The following ITPKC variants were observed in gnomAD, a reference collection of about 807,000 sequenced individuals.
The protein encoded by ITPKC is IP3 3-kinase C.
Under a neutral mutation model 67.1 loss-of-function variants are expected in ITPKC, and 33 were observed. The ratio of observed to expected loss-of-function variants is 0.49; its 90% CI spans 0.37 to 0.66. The LOEUF is 0.66. Among genes scored for constraint, ITPKC ranks in the 30% least tolerant of loss-of-function variants. ITPKC has a pLI of 0.00. For synonymous variants in ITPKC, 341 were observed against 359.8 expected, an observed-to-expected ratio of 0.95 and a Z score of 0.59; for missense variants, 820 against 892.1, an observed-to-expected ratio of 0.92 and a Z score of 1.03.
At chr19:40,735,028 C>A (rs2082288719) in intron 4 of ITPKC, among the ~76,000 whole-genome samples, 1 of 152,180 alleles carries the variant, frequency 6.6e-6, no homozygotes, top group African/African-American at 2.4e-5. Context: ...GATCCACCCG[C>A]CTTGGCCTCA....
At chr19:40,727,344 AAAT>A (rs1343119553) in intron 2 of ITPKC, among the ~76,000 whole-genome samples, 1 of 115,342 alleles carries the variant, frequency 8.7e-6, no homozygotes, top group Non-Finnish European at 2.0e-5. Flanking sequence ...AAAAATAAAT[AAAT>A]AAATAAAATA....
At position 40,739,509 on chromosome 19, in the gene ITPKC, CTG is replaced by C; in HGVS notation, c.2002_2003del (p.Trp668GlyfsTer42). 6 of 1,613,744 alleles carry C rather than the reference CTG, an allele frequency of 3.7e-6. No individual in the cohort carries two copies. The highest frequency in any genetic ancestry group is 5.1e-6 in the Non-Finnish European group (6 of 1,180,020). On this transcript the variant is annotated frameshift_variant, in exon 7 of 7. Transcript: ENST00000263370. LOFTEE classifies it high-confidence loss of function. ...AEGNREDGYL[W>X]GLDNMICLLQ... ...AGGGCAACCGTGAGGACGGCTACCT[CTG>C]GGGCCTGGACAACATGATCTGCCTC... is the stretch of plus-strand genomic sequence containing the variant.
chr19:40,738,589 G>A (rs548490933), intron 6 of ITPKC, among the ~76,000 whole-genome samples: 2 of 152,306 alleles, frequency 1.3e-5, no homozygotes, highest in East Asian at 3.9e-4. Flanking sequence ...GTGCACACCT[G>A]TAGTCTCAGC....
chr19:40,737,804 G>C (rs1028267170), intron 6 of ITPKC, 35 bp downstream of exon 6: 8 of 1,555,592 alleles, frequency 5.1e-6, no homozygotes, highest in Non-Finnish European at 6.2e-6. Flanking sequence ...GGATGTATGG[G>C]TGTCGGGGTC....
chr19:40,737,405 A>G (rs2082299630), intron 5 of ITPKC, among the ~76,000 whole-genome samples: 1 of 152,250 alleles, frequency 6.6e-6, no homozygotes, highest in Non-Finnish European at 1.5e-5. Context: ...CAGAATGGCC[A>G]CCATCATTTC....
chr19:40,719,936 T>C (rs990875317), intron 1 of ITPKC, among the ~76,000 whole-genome samples: 2 of 152,178 alleles, frequency 1.3e-5, no homozygotes, highest in Non-Finnish European at 2.9e-5. Flanking sequence ...TTTTAAGTTT[T>C]TTCTTCTTTT....
Position 40,737,162 on chromosome 19 carries a change from GTCT to G in ITPKC, c.1776+79_1776+81del, listed in dbSNP as rs1420104502. 1.1e-5 allele frequency: 11 copies of G among 1,027,200 alleles called. No homozygotes were observed. In the Admixed American group the frequency reaches 2.2e-4, roughly 21 times the overall value. 63.6% of individuals were successfully genotyped at this position (1,027,200 alleles called of 1,614,324 possible). A position where few individuals can be genotyped will look rare whatever the true frequency, so the allele number is the denominator to read the frequency against. The stretch of plus-strand genomic sequence containing the variant: ...ATTTATTCTTGCTCCAGAGTCAGTG[GTCT>G]TCTGCTTTGGGTGGGGCTGGACTGA... On this transcript the variant is annotated intron_variant, in intron 5 of 6. Coordinates refer to ENST00000263370, the MANE Select transcript of ITPKC (RefSeq NM_025194.3).
At chr19:40,719,583 G>A (rs2082211844) in intron 1 of ITPKC, among the ~76,000 whole-genome samples, 2 of 151,620 alleles carry the variant, frequency 1.3e-5, no homozygotes, top group South Asian at 4.2e-4. Context: ...TTCACTTCCT[G>A]GGTTCAAGTG....
intron 1 of ITPKC, among the ~76,000 whole-genome samples, chr19:40,719,703 T>C (rs2082212282): frequency 6.6e-6 from 1 of 151,962 alleles, no homozygotes. Flanking sequence ...TTGGCCAGGC[T>C]GACCTCAAGA....
intron 3 of ITPKC, among the ~76,000 whole-genome samples, chr19:40,731,768 TC>T (rs1300063468): frequency 6.6e-6 from 1 of 151,848 alleles, no homozygotes; most frequent in Non-Finnish European, 1.5e-5. Flanking sequence ...ACACCAGCAT[TC>T]CTTCCCCCAG....
chr19:40,736,607 G>A (rs1041452460), intron 4 of ITPKC, among the ~76,000 whole-genome samples: 4 of 151,974 alleles, frequency 2.6e-5, no homozygotes, highest in African/African-American at 7.2e-5. Flanking sequence ...GGGTTTAAGC[G>A]ATTTTCCTGC....
chr19:40,738,880 T>C (rs755484593), intron 6 of ITPKC, among the ~76,000 whole-genome samples: 13 of 152,130 alleles, frequency 8.5e-5, no homozygotes, highest in Non-Finnish European at 1.9e-4. Flanking sequence ...GTTTTCTCGA[T>C]CTGATAACCA....
chr19:40,717,832 A>G lies in ITPKC; in HGVS notation c.697A>G (p.Thr233Ala). The G allele has an allele frequency of 1.2e-6, 2 of 1,614,154 alleles. No individual in the cohort carries two copies. The highest frequency in any genetic ancestry group is 1.7e-6 in the Non-Finnish European group (2 of 1,180,020). ...AGAATTGTATACTGATGGCTCCAGG[A>G]CACAACAGGATATTGAAGGTCCCTG... ...WKELYTDGSR[T>A]QQDIEGPWTE... The change falls in exon 1 of 7, where the codon ACA (threonine) becomes GCA (alanine). Residue 233 changes from threonine to alanine, a missense_variant. Physicochemically the swap from Thr to Ala is moderately conservative, Grantham distance 58 (BLOSUM62 0). This residue lies in a region of ITPKC where 481 missense variants were observed against 470.1 expected (regional missense o/e 1.02). Coordinates refer to ENST00000263370, the MANE Select transcript of ITPKC (RefSeq NM_025194.3).
Position 40,739,811 on chromosome 19 carries a change from A to G in ITPKC, c.*251A>G. 1 of 541,028 alleles carries G rather than the reference A, an allele frequency of 1.8e-6. No homozygotes were observed. The highest frequency in any genetic ancestry group is 3.3e-6 in the Non-Finnish European group (1 of 302,452). The allele number at this position is 541,028 out of a possible 1,614,324, so 33.5% of individuals were successfully genotyped here. ...AGGTGATGAGGCAGTGAGTCAGAAAAACCAGAACGGGGTCCCCGGATCTGC... is the reference window on the plus strand; with the variant it reads ...AGGTGATGAGGCAGTGAGTCAGAAAGACCAGAACGGGGTCCCCGGATCTGC... On this transcript the variant is annotated 3_prime_UTR_variant, in exon 7 of 7. Transcript: ENST00000263370.
chr19:40,717,518 G>T lies in ITPKC; in HGVS notation c.383G>T (p.Trp128Leu). The T allele has an allele frequency of 6.2e-7, 1 of 1,614,146 alleles. No homozygotes were observed. The highest frequency in any genetic ancestry group is 1.1e-5 in the South Asian group (1 of 91,078). The change falls in exon 1 of 7, where the codon TGG (tryptophan) becomes TTG (leucine). Residue 128 changes from tryptophan to leucine, a missense_variant. Physicochemically the swap from Trp to Leu is moderately conservative, Grantham distance 61. Transcript: ENST00000263370. Reference protein sequence around the residue: ...SSLRTHLEWSWSELETTCLWT... With the variant: ...SSLRTHLEWSLSELETTCLWT... ...CTCCGGACGCATCTAGAATGGAGCT[G>T]GTCAGAGCTGGAGACGACTTGTCTT...
At chr19:40,726,306 G>T (rs114760337) in intron 2 of ITPKC, among the ~76,000 whole-genome samples, 1 of 151,814 alleles carries the variant, frequency 6.6e-6, no homozygotes, top group Non-Finnish European at 1.5e-5. Context: ...TGCCTTCTCC[G>T]CGTGTTCAGA....
chr19:40,724,205 A>C (rs2082235476), intron 1 of ITPKC, among the ~76,000 whole-genome samples: 1 of 152,114 alleles, frequency 6.6e-6, no homozygotes, highest in Non-Finnish European at 1.5e-5. Flanking sequence ...CCAGGAGTTC[A>C]AGACCAGCCT....
intron 1 of ITPKC, among the ~76,000 whole-genome samples, chr19:40,723,929 C>T (rs2082234206): frequency 6.6e-6 from 1 of 152,230 alleles, no homozygotes; most frequent in Non-Finnish European, 1.5e-5. Context: ...CTTTATACTA[C>T]ACATTGGTCA....
intron 4 of ITPKC, among the ~76,000 whole-genome samples, chr19:40,734,752 G>A (rs2082287036): frequency 6.8e-6 from 1 of 147,270 alleles, no homozygotes; most frequent in South Asian, 2.1e-4. Flanking sequence ...GTGATTACTG[G>A]CACGCACTAC....
Sources: gnomAD v4.1 joint callset for allele counts (sites outside exome capture counted in the v4.1 genomes callset) on GRCh38, gnomAD v4.1.1 for gene constraint, gnomAD v4.1.1 regional missense constraint, MANE v1.5 for transcripts, NCBI Gene and HGNC (gene_info 2026-07-23, HGNC 2026-07-21) for gene names.